KLHL1: variants seen among roughly 807,000 people sequenced by gnomAD.
KLHL1 encodes the protein kelch-like protein 1.
A neutral mutation model predicts 77.7 loss-of-function variants in KLHL1; 47 were observed. The ratio of observed to expected loss-of-function variants is 0.60; its 90% CI spans 0.48 to 0.77. KLHL1 has a LOEUF of 0.77. Among genes scored for constraint, KLHL1 ranks in the 30% least tolerant of loss-of-function variants. The pLI is 0.00. For synonymous variants in KLHL1, 360 were observed against 325.2 expected (o/e 1.11, Z -1.15); for missense variants, 925 against 910.8 (o/e 1.02, Z -0.20).
intron 8 of KLHL1, among the ~76,000 whole-genome samples, chr13:69,728,981 G>GT (rs1405534450): frequency 6.6e-6 from 1 of 152,062 alleles, no homozygotes; most frequent in Non-Finnish European, 1.5e-5. Flanking sequence ...GGCAGAATCA[G>GT]TATCTGTTTG....
intron 7 of KLHL1, among the ~76,000 whole-genome samples, chr13:69,775,436 TTTTAA>T (rs1363397005): frequency 6.6e-6 from 1 of 152,062 alleles, no homozygotes; most frequent in African/African-American, 2.4e-5. Flanking sequence ...GGGTATACTC[TTTTAA>T]TTAAAAATTA....
At chr13:70,023,758 G>A (rs1327514005) in intron 1 of KLHL1, among the ~76,000 whole-genome samples, 1 of 151,762 alleles carries the variant, frequency 6.6e-6, no homozygotes, top group Non-Finnish European at 1.5e-5. Context: ...TTGTTTTCTA[G>A]CTTTCTAGCT....
intron 1 of KLHL1, among the ~76,000 whole-genome samples, chr13:70,070,110 G>A (rs969406066): frequency 6.6e-6 from 1 of 151,486 alleles, no homozygotes; most frequent in Non-Finnish European, 1.5e-5. Context: ...AGAGGTTGCA[G>A]GGAGCCGAGT....
At chr13:70,035,367 G>A (rs531985882) in intron 1 of KLHL1, among the ~76,000 whole-genome samples, 1 of 152,102 alleles carries the variant, frequency 6.6e-6, no homozygotes, top group African/African-American at 2.4e-5. Flanking sequence ...AATTGTTTGT[G>A]GGAGCTAAAA....
chr13:70,007,953 T>C (rs1885444160), intron 1 of KLHL1, among the ~76,000 whole-genome samples: 1 of 151,942 alleles, frequency 6.6e-6, no homozygotes, highest in South Asian at 2.1e-4. Flanking sequence ...AAATGCCACA[T>C]TAGCTTACAT....
chr13:69,757,162 C>CT (rs146065610), intron 7 of KLHL1, among the ~76,000 whole-genome samples: 2,171 of 152,096 alleles, frequency 0.014, 54 homozygotes, highest in African/African-American at 0.05. Flanking sequence ...TATCAGAGTC[C>CT]TTTTTTATCA....
chr13:69,983,589 A>AAAAAAAAAAAAAAAAAAAAAAG (rs1216543322), intron 1 of KLHL1, among the ~76,000 whole-genome samples: 144 of 132,018 alleles, frequency 1.1e-3, no homozygotes, highest in African/African-American at 3.3e-3. Context: ...AAAAAAAAAA[A>AAAAAAAAAAAAAAAAAAAAAAG]AAGAAGAAGA....
chr13:69,837,957 A>C (rs773847523), intron 6 of KLHL1, among the ~76,000 whole-genome samples: 1 of 151,510 alleles, frequency 6.6e-6, no homozygotes, highest in Non-Finnish European at 1.5e-5. Context: ...TGTACTTATA[A>C]AATAAATCTT....
chr13:69,864,618 A>G (rs1380714800), intron 5 of KLHL1, among the ~76,000 whole-genome samples: 3 of 152,124 alleles, frequency 2.0e-5, no homozygotes, highest in Admixed American at 1.3e-4. Context: ...AAAAAATTCC[A>G]TACTCACAAG....
intron 1 of KLHL1, among the ~76,000 whole-genome samples, chr13:69,983,073 T>C (rs1045036417): frequency 2.6e-5 from 4 of 152,072 alleles, no homozygotes; most frequent in African/African-American, 7.2e-5. Context: ...GCAAACTATC[T>C]GAAAAAGAAA....
At chr13:69,925,187 T>C (rs113723775) in intron 4 of KLHL1, among the ~76,000 whole-genome samples, 3,003 of 152,238 alleles carry the variant, frequency 0.02, 40 homozygotes, top group Middle Eastern at 0.048. Context: ...AACAGTATTA[T>C]GGTTAAAACT....
At chr13:69,794,642 T>C (rs2138034522) in intron 7 of KLHL1, among the ~76,000 whole-genome samples, 1 of 151,212 alleles carries the variant, frequency 6.6e-6, no homozygotes, top group African/African-American at 2.4e-5. Context: ...CAGATAGGAA[T>C]TTGAAATAGG....
chr13:70,002,661 T>TAATTA (rs1283350394), intron 1 of KLHL1, among the ~76,000 whole-genome samples: 4 of 151,768 alleles, frequency 2.6e-5, no homozygotes, highest in African/African-American at 9.7e-5. Flanking sequence ...AGACACATCA[T>TAATTA]GTCAATGACA....
At chr13:69,967,477 T>A (rs1425033751) in intron 2 of KLHL1, among the ~76,000 whole-genome samples, 1 of 152,204 alleles carries the variant, frequency 6.6e-6, no homozygotes, top group Admixed American at 6.5e-5. Flanking sequence ...TGATCAAATT[T>A]GAATGGATGA....
intron 7 of KLHL1, among the ~76,000 whole-genome samples, chr13:69,793,879 G>C (rs921109753): frequency 1.3e-5 from 2 of 151,968 alleles, no homozygotes; most frequent in African/African-American, 4.8e-5. Flanking sequence ...AAAATATCTG[G>C]GAGGAAAACT....
intron 7 of KLHL1, among the ~76,000 whole-genome samples, chr13:69,773,954 G>A (rs1284412107): frequency 6.6e-6 from 1 of 151,514 alleles, no homozygotes; most frequent in Non-Finnish European, 1.5e-5. Flanking sequence ...TAAATTATCT[G>A]TAAGTACCAT....
chr13:69,892,169 T>C (rs943244249), intron 4 of KLHL1, among the ~76,000 whole-genome samples: 2 of 152,184 alleles, frequency 1.3e-5, no homozygotes, highest in Non-Finnish European at 2.9e-5. Context: ...CTAGCAGTCA[T>C]TGAGAACGGT....
At chr13:69,726,380 G>A (rs1249995520) in intron 8 of KLHL1, among the ~76,000 whole-genome samples, 1 of 152,066 alleles carries the variant, frequency 6.6e-6, no homozygotes, top group Non-Finnish European at 1.5e-5. Flanking sequence ...CCATGAGAAA[G>A]CCTGTCAATC....
At chr13:69,995,882 G>C (rs922082030) in intron 1 of KLHL1, among the ~76,000 whole-genome samples, 1 of 152,016 alleles carries the variant, frequency 6.6e-6, no homozygotes, top group Non-Finnish European at 1.5e-5. Flanking sequence ...TTGAGGTCTC[G>C]ACCCACACAG....
Sources: allele counts gnomAD v4.1 joint callset (sites outside exome capture counted in the v4.1 genomes callset), GRCh38; gene constraint gnomAD v4.1.1; transcripts MANE v1.5; gene names NCBI Gene and HGNC (gene_info 2026-07-23, HGNC 2026-07-21).